The following HS3ST4 variants were observed in gnomAD, a reference collection of about 807,000 sequenced individuals.
HS3ST4 encodes heparan sulfate glucosamine 3-O-sulfotransferase 4.
Under a neutral mutation model 29.2 loss-of-function variants are expected in HS3ST4, and 17 were observed. The observed-to-expected ratio is 0.58, with a 90% CI of 0.40 to 0.87. HS3ST4 has a LOEUF of 0.87. Among genes scored for constraint, HS3ST4 ranks in the 40% least tolerant of loss-of-function variants. The pLI is 0.00. For missense variants in HS3ST4, 627 were observed against 634.5 expected, an observed-to-expected ratio of 0.99 and a Z score of 0.13; for synonymous variants, 314 against 285.7, an observed-to-expected ratio of 1.10 and a Z score of -1.00.
chr16:25,831,395 CTACACACACACA>C (rs1167149584), intron 1 of HS3ST4, among the ~76,000 whole-genome samples: 9 of 101,558 alleles, frequency 8.9e-5, no homozygotes, highest in Admixed American at 3.3e-4. Context: ...GACCCCGTCT[CTACACACACACA>C]CACACACACA....
rs149308339 is a variant in HS3ST4 at position 25,837,958 on chromosome 16, C to A, written c.734+144807C>A. Among the ~76,000 whole-genome samples, 657 of 152,092 alleles carry A rather than the reference C, an allele frequency of 4.3e-3. 4 individuals are homozygous for A. The highest frequency in any genetic ancestry group is 0.016 in the Admixed American group (251 of 15,276). ...TCCCCCACTTCCCCCTCTTGTAGTC[C>A]GCAGTGTCTACTGTTGCCATCTTGA... On this transcript the variant is annotated intron_variant, in intron 1 of 1. Transcript: ENST00000331351.
chr16:25,698,509 T>G (rs371787138), intron 1 of HS3ST4, among the ~76,000 whole-genome samples: 75 of 152,350 alleles, frequency 4.9e-4, no homozygotes, highest in African/African-American at 1.5e-3. Context: ...GTTGAATAAC[T>G]TATTTGACAT....
At chr16:26,079,266 C>T (rs1189901219) in intron 1 of HS3ST4, among the ~76,000 whole-genome samples, 2 of 152,194 alleles carry the variant, frequency 1.3e-5, no homozygotes, top group Admixed American at 1.3e-4. Flanking sequence ...ATAATCTGGA[C>T]TTATAGAAGC....
intron 1 of HS3ST4, among the ~76,000 whole-genome samples, chr16:26,135,341 G>T (rs11643056): frequency 0.25 from 38,559 of 151,966 alleles, 5,137 homozygotes; most frequent in African/African-American, 0.33. Flanking sequence ...GTGTATCTAG[G>T]TTAAACATAA....
intron 1 of HS3ST4, among the ~76,000 whole-genome samples, chr16:25,776,912 C>T (rs1300933007): frequency 6.6e-6 from 1 of 152,178 alleles, no homozygotes; most frequent in East Asian, 1.9e-4. Flanking sequence ...TTGTCTAATT[C>T]TACTGATTGA....
chr16:25,889,966 G>C (rs1191889460), intron 1 of HS3ST4, among the ~76,000 whole-genome samples: 1 of 152,108 alleles, frequency 6.6e-6, no homozygotes, highest in Non-Finnish European at 1.5e-5. Context: ...CTTCCACCAT[G>C]ATTGTGAGGC....
chr16:25,829,272 G>A (rs1967269864), intron 1 of HS3ST4, among the ~76,000 whole-genome samples: 2 of 152,306 alleles, frequency 1.3e-5, no homozygotes, highest in African/African-American at 2.4e-5. Flanking sequence ...CATCCTTTGG[G>A]CAGCTTGCTG....
At chr16:25,846,771 G>T (rs764429279) in intron 1 of HS3ST4, among the ~76,000 whole-genome samples, 82 of 151,780 alleles carry the variant, frequency 5.4e-4, no homozygotes, top group Non-Finnish European at 9.9e-4. Context: ...ATTTTTATAT[G>T]CAGTCTGATG....
At chr16:25,955,076 G>A (rs965965880) in intron 1 of HS3ST4, among the ~76,000 whole-genome samples, 2 of 152,184 alleles carry the variant, frequency 1.3e-5, no homozygotes, top group African/African-American at 2.4e-5. Context: ...CAGGGTGTTG[G>A]TGTCTAGCAG....
chr16:25,979,479 A>G (rs573194432), intron 1 of HS3ST4, among the ~76,000 whole-genome samples: 5 of 152,258 alleles, frequency 3.3e-5, no homozygotes, highest in African/African-American at 1.2e-4. Flanking sequence ...AAGCATGAAC[A>G]CTATTGTGAA....
At chr16:25,711,974 C>A (rs1966418623) in intron 1 of HS3ST4, among the ~76,000 whole-genome samples, 1 of 152,110 alleles carries the variant, frequency 6.6e-6, no homozygotes, top group South Asian at 2.1e-4. Flanking sequence ...TAATTTATTT[C>A]AAAAATGTGT....
chr16:26,116,469 C>G (rs966824008), intron 1 of HS3ST4, among the ~76,000 whole-genome samples: 2 of 152,046 alleles, frequency 1.3e-5, no homozygotes, highest in South Asian at 2.1e-4. Flanking sequence ...GAGTCTGTCT[C>G]CAATGACAAT....
At chr16:25,708,990 A>G (rs1169260568) in intron 1 of HS3ST4, among the ~76,000 whole-genome samples, 1 of 152,234 alleles carries the variant, frequency 6.6e-6, no homozygotes, top group Non-Finnish European at 1.5e-5. Context: ...TCCTCTGGTT[A>G]TAACACAGAA....
chr16:25,957,880 G>C (rs1266789714), intron 1 of HS3ST4, among the ~76,000 whole-genome samples: 2 of 133,432 alleles, frequency 1.5e-5, no homozygotes, highest in African/African-American at 5.0e-5. Flanking sequence ...GGCTGGTGTG[G>C]GGATCAACAG....
intron 1 of HS3ST4, among the ~76,000 whole-genome samples, chr16:25,997,615 A>G (rs1032904157): frequency 1.3e-5 from 2 of 152,160 alleles, no homozygotes; most frequent in African/African-American, 2.4e-5. Flanking sequence ...TTTACCATCT[A>G]TCAACTCAGC....
At chr16:25,964,222 G>A (rs771995300) in intron 1 of HS3ST4, among the ~76,000 whole-genome samples, 4 of 151,712 alleles carry the variant, frequency 2.6e-5, no homozygotes, top group Non-Finnish European at 5.9e-5. Context: ...TAGATACTGG[G>A]GCCTACAAGG....
Position 25,894,732 on chromosome 16 carries a change from C to T in HS3ST4, c.734+201581C>T, listed in dbSNP as rs564883923. Among the ~76,000 whole-genome samples the T allele has an allele frequency of 5.2e-4, 79 of 152,156 alleles. 1 individual carries two copies. The South Asian group carries it at 0.015, about 28-fold the overall frequency. The stretch of plus-strand genomic sequence containing the variant: ...TGTTGGCCAGGCTGGTCTCGAACTC[C>T]GGACCTCAGGTGATCCACCTGCCTC... On this transcript the variant is annotated intron_variant, in intron 1 of 1. Transcript: ENST00000331351.
intron 1 of HS3ST4, among the ~76,000 whole-genome samples, chr16:25,770,571 G>C (rs553552344): frequency 5.1e-4 from 78 of 152,336 alleles, no homozygotes; most frequent in African/African-American, 1.6e-3. Flanking sequence ...GAGGGGTGCA[G>C]TTGGGACATT....
At chr16:25,863,944 G>A (rs867703706) in intron 1 of HS3ST4, among the ~76,000 whole-genome samples, 13 of 152,170 alleles carry the variant, frequency 8.5e-5, no homozygotes, top group Admixed American at 2.6e-4. Flanking sequence ...TCAAGGTGTC[G>A]GCAGGTTTGG....
Sources: allele counts gnomAD v4.1 joint callset (sites outside exome capture counted in the v4.1 genomes callset), GRCh38; gene constraint gnomAD v4.1.1; transcripts MANE v1.5; gene names NCBI Gene and HGNC (gene_info 2026-07-23, HGNC 2026-07-21).